The following MBD5 variants were observed in gnomAD, a reference collection of about 807,000 sequenced individuals.
MBD5 encodes methyl-CpG binding domain protein 5, also known as methyl-CpG-binding domain protein 5.
Under a neutral mutation model 117.3 loss-of-function variants are expected in MBD5, and 13 were observed. That is an observed-to-expected ratio of 0.11 (90% CI 0.07 to 0.18). The LOEUF (loss-of-function observed/expected upper bound fraction) is 0.18. Ranked by LOEUF, MBD5 falls within the 10% of genes least tolerant of loss-of-function variation. MBD5 has a pLI of 1.00. For missense variants in MBD5, 1,879 were observed against 2,093.8 expected, an observed-to-expected ratio of 0.90 and a Z score of 2.00; for synonymous variants, 727 against 766.4, an observed-to-expected ratio of 0.95 and a Z score of 0.85.
At chr2:148,064,258 GGTGCC>G (rs1391107343) in intron 1 of MBD5, among the ~76,000 whole-genome samples, 4 of 151,706 alleles carry the variant, frequency 2.6e-5, no homozygotes, top group Non-Finnish European at 4.4e-5. Flanking sequence ...TGGGACCACA[GGTGCC>G]CGCCACCACG....
intron 1 of MBD5, among the ~76,000 whole-genome samples, chr2:148,136,823 C>T (rs1697181903): frequency 6.6e-6 from 1 of 151,768 alleles, no homozygotes; most frequent in Non-Finnish European, 1.5e-5. Context: ...AGTGCAGTGG[C>T]ACAATCTTGG....
At position 148,261,581 on chromosome 2, in the gene MBD5, TG is replaced by T. The variant is rs138190738; in HGVS notation, c.-680+28188del. 9.2e-4 allele frequency among the ~76,000 whole-genome samples: 140 copies of T among 152,372 alleles called. 2 individuals carry two copies. Among genetic ancestry groups the T allele is most frequent in the South Asian group, 1.7e-3 (8 of 4,832 alleles). On this transcript the variant is annotated intron_variant, in intron 3 of 13. Transcript: ENST00000642680. ...AATTAGACTTTATTTTAAGGAAATG[TG>T]GCTGGTTTGATCTTCTCCCAAGACC...
intron 4 of MBD5, among the ~76,000 whole-genome samples, chr2:148,407,815 A>C (rs1705128794): frequency 1.3e-5 from 2 of 152,078 alleles, no homozygotes; most frequent in South Asian, 4.1e-4. Context: ...TAGTGTAAAA[A>C]TTCATAGTTA....
At chr2:148,056,520 A>T (rs997539356) in intron 1 of MBD5, among the ~76,000 whole-genome samples, 42 of 152,208 alleles carry the variant, frequency 2.8e-4, no homozygotes, top group African/African-American at 9.9e-4. Context: ...TATATCACGC[A>T]CAAATATTGA....
intron 9 of MBD5, among the ~76,000 whole-genome samples, chr2:148,484,356 C>G (rs999037524): frequency 2.6e-5 from 4 of 152,166 alleles, no homozygotes; most frequent in African/African-American, 9.7e-5. Flanking sequence ...TACTAAATAT[C>G]ATTTTAATCT....
chr2:148,158,474 T>C (rs1697924161), intron 1 of MBD5, among the ~76,000 whole-genome samples: 1 of 152,228 alleles, frequency 6.6e-6, no homozygotes, highest in African/African-American at 2.4e-5. Flanking sequence ...GTCAATGGTC[T>C]ACTCATTATA....
intron 1 of MBD5, among the ~76,000 whole-genome samples, chr2:148,075,182 G>A (rs754869362): frequency 6.6e-6 from 1 of 152,214 alleles, no homozygotes; most frequent in Non-Finnish European, 1.5e-5. Flanking sequence ...TGTGGAAGAG[G>A]GGTCTACATG....
At chr2:148,368,035 A>T (rs932989704) in intron 4 of MBD5, among the ~76,000 whole-genome samples, 1 of 152,188 alleles carries the variant, frequency 6.6e-6, no homozygotes, top group Non-Finnish European at 1.5e-5. Context: ...ATGTACGTTT[A>T]TTGCAGCATT....
chr2:148,312,342 T>C (rs191257838), intron 3 of MBD5, among the ~76,000 whole-genome samples: 2 of 152,342 alleles, frequency 1.3e-5, no homozygotes, highest in African/African-American at 4.8e-5. Flanking sequence ...GAGGCTTTGT[T>C]CGTTCCTTTT....
chr2:148,469,991 C>G lies in MBD5; in HGVS notation c.2048C>G (p.Pro683Arg). The G allele has an allele frequency of 6.2e-7, 1 of 1,613,810 alleles. No homozygotes were observed. Among genetic ancestry groups the G allele is most frequent in the South Asian group, 1.1e-5 (1 of 91,074 alleles). ...ATGGATAGTTCTGCAGTTCCTAAAC[C>G]TGGACCTGACTTGCTAAGGAAGCAG... ...SQMDSSAVPK[P>R]GPDLLRKQGQ... The change falls in exon 8 of 14, where the codon CCT becomes CGT. Residue 683 changes from proline (P) to arginine (R), a missense_variant. By Grantham distance (103) the Pro-to-Arg change is moderately radical. Around this residue, in one of 4 missense-constraint regions of MBD5, gnomAD observed 1,666 missense variants for 1,792.2 expected, o/e 0.93. Transcript: ENST00000642680.
chr2:148,124,998 A>G (rs1011814083), intron 1 of MBD5, among the ~76,000 whole-genome samples: 5 of 151,240 alleles, frequency 3.3e-5, no homozygotes, highest in African/African-American at 9.7e-5. Flanking sequence ...TTATACATAT[A>G]TATTTATTTA....
chr2:148,098,915 C>T (rs1223957356), intron 1 of MBD5, among the ~76,000 whole-genome samples: 3 of 151,856 alleles, frequency 2.0e-5, no homozygotes, highest in Non-Finnish European at 2.9e-5. Context: ...ATTAGCCAGG[C>T]GTGGTGGGAC....
chr2:148,448,289 C>G (rs933105509), intron 4 of MBD5, among the ~76,000 whole-genome samples: 12 of 151,994 alleles, frequency 7.9e-5, no homozygotes, highest in African/African-American at 2.9e-4. Context: ...CCTCTTGTTT[C>G]TTGAAAGACC....
Position 148,338,301 on chromosome 2 carries a change from A to G in MBD5, c.-679-3913A>G, listed in dbSNP as rs567344099. On this transcript the variant is annotated intron_variant, in intron 3 of 13. Coordinates refer to ENST00000642680, the MANE Select transcript of MBD5 (RefSeq NM_001378120.1). Reference sequence around the variant, plus strand: ...CTGATCTGAGGTCCAGTCAAGGTTCATACATTGTATTTAGTGGTTATATTT... The same window carrying G: ...CTGATCTGAGGTCCAGTCAAGGTTCGTACATTGTATTTAGTGGTTATATTT... Among the ~76,000 whole-genome samples the G allele has an allele frequency of 4.6e-5, 7 of 152,216 alleles. No individual in the cohort carries two copies. In the South Asian group the frequency reaches 1.0e-3, roughly 23 times the overall value.
chr2:148,502,072 CT>C (rs1164145386), intron 11 of MBD5, among the ~76,000 whole-genome samples: 1 of 152,216 alleles, frequency 6.6e-6, no homozygotes, highest in African/African-American at 2.4e-5. Context: ...TCCCCTGATA[CT>C]TATATCACAG....
intron 4 of MBD5, among the ~76,000 whole-genome samples, chr2:148,357,112 A>T (rs1703400417): frequency 6.6e-6 from 1 of 152,188 alleles, no homozygotes; most frequent in African/African-American, 2.4e-5. Flanking sequence ...ATGCATCCAC[A>T]TTAGAAAAGG....
chr2:148,133,159 T>A (rs1237429952), intron 1 of MBD5, among the ~76,000 whole-genome samples: 2 of 152,328 alleles, frequency 1.3e-5, no homozygotes, highest in Non-Finnish European at 2.9e-5. Context: ...ATGCAATCAC[T>A]TTTAAAGGAA....
chr2:148,039,806 T>C lies in MBD5; in HGVS notation c.-925+18122T>C, dbSNP rs148146876. On this transcript the variant is annotated intron_variant, in intron 1 of 13. Coordinates refer to ENST00000642680, the MANE Select transcript of MBD5 (RefSeq NM_001378120.1). ...GTTATGTTAAAATCACATTATCTGG[T>C]GAGTATCAGTTAACCACAAGGGTAC... Among the ~76,000 whole-genome samples the C allele has an allele frequency of 2.2e-4, 33 of 148,594 alleles. No individual in the cohort carries two copies. In the East Asian group the frequency reaches 4.6e-3, roughly 21 times the overall value.
At chr2:148,209,477 G>A (rs1473123946) in intron 2 of MBD5, among the ~76,000 whole-genome samples, 1 of 151,424 alleles carries the variant, frequency 6.6e-6, no homozygotes, top group East Asian at 1.9e-4. Context: ...TTGATCTTGG[G>A]CCTCCCATTC....
Sources: allele counts gnomAD v4.1 joint callset (sites outside exome capture counted in the v4.1 genomes callset), GRCh38; gene constraint gnomAD v4.1.1; regional missense constraint gnomAD v4.1.1; transcripts MANE v1.5; gene names NCBI Gene and HGNC (gene_info 2026-07-23, HGNC 2026-07-21).